VPS35L: variants seen among roughly 807,000 people sequenced by gnomAD.
VPS35L encodes the protein VPS35 endosomal protein-sorting factor-like.
A neutral mutation model predicts 133.0 loss-of-function variants in VPS35L; 83 were observed. The observed-to-expected ratio is 0.62, with a 90% CI of 0.52 to 0.75. The LOEUF is 0.75. Among genes scored for constraint, VPS35L ranks in the 30% least tolerant of loss-of-function variants. VPS35L has a pLI of 0.00. For missense variants in VPS35L, 1,083 were observed against 1,206.8 expected (o/e 0.90, Z 1.52); for synonymous variants, 423 against 449.9 (o/e 0.94, Z 0.76).
At chr16:19,599,024 CCT>C (rs1972300267) in intron 8 of VPS35L, among the ~76,000 whole-genome samples, 1 of 151,512 alleles carries the variant, frequency 6.6e-6, no homozygotes, top group Non-Finnish European at 1.5e-5. Flanking sequence ...ACAAGGGAGG[CCT>C]CTCTCTACAC....
intron 1 of VPS35L, among the ~76,000 whole-genome samples, chr16:19,558,234 T>C (rs1369100826): frequency 6.6e-6 from 1 of 152,226 alleles, no homozygotes; most frequent in African/African-American, 2.4e-5. Context: ...CAAGTCCTTA[T>C]TTTCTGTCAG....
chr16:19,559,446 G>A (rs568804168), intron 1 of VPS35L, among the ~76,000 whole-genome samples: 4 of 152,100 alleles, frequency 2.6e-5, no homozygotes, highest in Non-Finnish European at 5.9e-5. Context: ...ACTGGGGGTT[G>A]GAATTATGGG....
intron 8 of VPS35L, among the ~76,000 whole-genome samples, chr16:19,598,671 C>T (rs1258960583): frequency 6.6e-6 from 1 of 151,910 alleles, no homozygotes; most frequent in African/African-American, 2.4e-5. Context: ...GTGGTCCCAG[C>T]TACTCAGGAG....
chr16:19,652,527 AATG>A (rs1372642491), intron 26 of VPS35L: 5 of 164,688 alleles, frequency 3.0e-5, no homozygotes, highest in Non-Finnish European at 6.6e-5. Flanking sequence ...AAGATGAATA[AATG>A]ATGAGTTTTA....
intron 2 of VPS35L, among the ~76,000 whole-genome samples, chr16:19,566,182 G>A (rs1013309841): frequency 6.6e-6 from 1 of 152,034 alleles, no homozygotes; most frequent in African/African-American, 2.4e-5. Flanking sequence ...TCATTCTCAG[G>A]TGCCCGTTCC....
At chr16:19,663,126 A>G (rs1170546697) in intron 26 of VPS35L, among the ~76,000 whole-genome samples, 1 of 152,090 alleles carries the variant, frequency 6.6e-6, no homozygotes, top group Non-Finnish European at 1.5e-5. Context: ...CCTGACCAAC[A>G]TGGAGAAGCC....
At chr16:19,567,515 C>T (rs1212900095) in intron 2 of VPS35L, among the ~76,000 whole-genome samples, 1 of 152,074 alleles carries the variant, frequency 6.6e-6, no homozygotes, top group African/African-American at 2.4e-5. Flanking sequence ...AAGTATTAAG[C>T]CTGTGAGGTG....
At chr16:19,655,099 T>C (rs1264905099) in intron 26 of VPS35L, among the ~76,000 whole-genome samples, 1 of 152,224 alleles carries the variant, frequency 6.6e-6, no homozygotes, top group Admixed American at 6.5e-5. Context: ...GAGGGACAAC[T>C]GGTGTGAGAA....
chr16:19,565,652 C>T (rs1971166611), intron 2 of VPS35L, among the ~76,000 whole-genome samples: 1 of 152,172 alleles, frequency 6.6e-6, no homozygotes, highest in Non-Finnish European at 1.5e-5. Flanking sequence ...CTCGCCCGGC[C>T]TGCATATTTA....
chr16:19,696,011 C>T (rs184566016), intron 29 of VPS35L, among the ~76,000 whole-genome samples: 93 of 152,034 alleles, frequency 6.1e-4, no homozygotes, highest in Admixed American at 3.9e-3. Flanking sequence ...CTCAGGCTTC[C>T]GAGTAGCTGG....
chr16:19,691,622 C>T (rs1228536226), intron 29 of VPS35L, 151 bp downstream of exon 29: 7 of 601,040 alleles, frequency 1.2e-5, no homozygotes, highest in South Asian at 5.9e-5. Context: ...TTGGGGCCTT[C>T]GCTCCTGCTG....
At chr16:19,612,174 T>A (rs970618103) in intron 12 of VPS35L, among the ~76,000 whole-genome samples, 1 of 152,112 alleles carries the variant, frequency 6.6e-6, no homozygotes, top group Non-Finnish European at 1.5e-5. Flanking sequence ...CTTGACCTCA[T>A]GATCCGCCTG....
chr16:19,573,145 AGAT>A lies in VPS35L; in HGVS notation c.316_318del (p.Asp106del). 1 of 1,613,906 alleles carries A rather than the reference AGAT, an allele frequency of 6.2e-7. No homozygotes were observed. The highest frequency in any genetic ancestry group is 1.1e-5 in the South Asian group (1 of 91,072). On this transcript the variant is annotated inframe_deletion, in exon 4 of 31. Transcript: ENST00000417362. ...ACAGCTCCAGAAGGAAACGTGATAG[AGAT>A]GATAACTCCGTTGTAGGATCGGATT...
intron 7 of VPS35L, among the ~76,000 whole-genome samples, chr16:19,583,912 A>G (rs1323504323): frequency 6.6e-6 from 1 of 151,802 alleles, no homozygotes; most frequent in Non-Finnish European, 1.5e-5. Flanking sequence ...TCTACTCTCC[A>G]CTTCTATGAG....
intron 5 of VPS35L, chr16:19,578,369 A>G (rs1485195731): frequency 4.9e-6 from 2 of 411,854 alleles, no homozygotes; most frequent in African/African-American, 2.4e-5. Flanking sequence ...GTAAGACCCC[A>G]TCTCAAAAAA....
intron 22 of VPS35L, 90 bp from the exon 23 acceptor site, chr16:19,644,792 TTACC>T (rs1241263916): frequency 1.2e-6 from 1 of 834,990 alleles, no homozygotes; most frequent in East Asian, 2.6e-5. Flanking sequence ...CAAAATGTTC[TTACC>T]TGTTAAATTA....
chr16:19,639,413 G>T lies in VPS35L; in HGVS notation c.1699-602G>T, dbSNP rs1265048121. Among the ~76,000 whole-genome samples, 1 of 152,192 alleles carries T rather than the reference G, an allele frequency of 6.6e-6. No individual in the cohort carries two copies. Among genetic ancestry groups the T allele is most frequent in the East Asian group, 1.9e-4 (1 of 5,196 alleles). On this transcript the variant is annotated intron_variant, in intron 20 of 30. Coordinates refer to ENST00000417362, the MANE Select transcript of VPS35L (RefSeq NM_020314.7). This position sits in a 1 kb window ranked among gnomAD's most constrained non-coding sequence, Gnocchi z 4.1. ...AAAAGACTGAAGTCTGCCTTGCCCA[G>T]AAAAGCTTGTGGTCATCAAAGGTTG... is the stretch of plus-strand genomic sequence containing the variant.
intron 8 of VPS35L, 105 bp downstream of exon 8, chr16:19,591,979 T>C (rs1972058880): frequency 1.1e-6 from 1 of 889,818 alleles, no homozygotes; most frequent in Non-Finnish European, 1.9e-6. Context: ...GTTTAAGTTA[T>C]TAAGTAAGTC....
chr16:19,580,893 C>T (rs866366555), intron 6 of VPS35L, among the ~76,000 whole-genome samples: 35 of 152,142 alleles, frequency 2.3e-4, no homozygotes, highest in Non-Finnish European at 2.2e-4. Flanking sequence ...ATATGTTCCT[C>T]AGTTGGTTCC....
Sources: gnomAD v4.1 joint callset for allele counts (sites outside exome capture counted in the v4.1 genomes callset) on GRCh38, gnomAD v4.1.1 for gene constraint, Gnocchi (gnomAD v3.1) non-coding constraint, MANE v1.5 for transcripts, NCBI Gene and HGNC (gene_info 2026-07-23, HGNC 2026-07-21) for gene names.